The following TBC1D5 variants were observed in gnomAD, a reference collection of about 807,000 sequenced individuals.
TBC1D5 encodes TBC1 domain family member 5.
A neutral mutation model predicts 100.3 loss-of-function variants in TBC1D5; 75 were observed. The observed-to-expected ratio is 0.75, with a 90% confidence interval of 0.62 to 0.91. TBC1D5 has a LOEUF of 0.91. Ranked by LOEUF, TBC1D5 falls within the 40% of genes least tolerant of loss-of-function variation. The pLI, the probability that TBC1D5 is intolerant of heterozygous loss-of-function variation, is 0.00. For synonymous variants in TBC1D5, 323 were observed against 325.6 expected, an observed-to-expected ratio of 0.99 and a Z score of 0.09; for missense variants, 910 against 942.4, an observed-to-expected ratio of 0.97 and a Z score of 0.45.
Position 17,500,498 on chromosome 3 carries a change from G to A in TBC1D5, c.97+7976C>T, listed in dbSNP as rs1283365100. Among the ~76,000 whole-genome samples, 2 of 149,562 alleles carry A rather than the reference G, an allele frequency of 1.3e-5. 1 individual carries two copies. Among genetic ancestry groups the A allele is most frequent in the Middle Eastern group, 6.4e-3 (2 of 314 alleles). ...GAATCAGATTTTTAGTTCACTTCCT[G>A]TGCCTCCATCCACTCAAATGAGTTA... On this transcript the variant is annotated intron_variant, in intron 3 of 21. Coordinates refer to ENST00000253692, the Ensembl canonical transcript of TBC1D5.
chr3:17,228,933 A>C (rs769380199), intron 17 of TBC1D5, among the ~76,000 whole-genome samples: 1 of 152,148 alleles, frequency 6.6e-6, no homozygotes, highest in Non-Finnish European at 1.5e-5. Flanking sequence ...AGGAAAGAGG[A>C]AGGAAAAATG....
chr3:17,214,200 T>C lies in TBC1D5; in HGVS notation c.1752+7A>G, dbSNP rs1437358093. 2 of 1,606,724 alleles carry C rather than the reference T, an allele frequency of 1.2e-6. No individual in the cohort carries two copies. The highest frequency in any genetic ancestry group is 1.7e-6 in the Non-Finnish European group (2 of 1,177,150). ...GAACGAAGAGAAAACTGTCCTTAAA[T>C]ACTTACAGATTCTTTTCTGCCCATA... is the stretch of plus-strand genomic sequence containing the variant. On this transcript the variant is annotated splice_region_variant and intron_variant, in intron 18 of 21. Coordinates refer to ENST00000253692, the Ensembl canonical transcript of TBC1D5.
rs553373779 is a variant in TBC1D5 at position 17,472,300 on chromosome 3, A to G, written c.97+36174T>C. Among the ~76,000 whole-genome samples the G allele has an allele frequency of 4.6e-5, 7 of 151,876 alleles. No homozygotes were observed. The South Asian group carries it at 1.3e-3, about 27-fold the overall frequency. ...ACTACAGGCACGCGCCACCACACCC[A>G]GCTAATTTTTGTATTTTTTGTAGAG... On this transcript the variant is annotated intron_variant, in intron 3 of 21. Transcript: ENST00000253692.
intron 12 of TBC1D5, among the ~76,000 whole-genome samples, chr3:17,373,548 T>C (rs1479250698): frequency 2.6e-5 from 4 of 152,142 alleles, no homozygotes; most frequent in Non-Finnish European, 4.4e-5. Flanking sequence ...CACATGTTCA[T>C]ACAAAGCTTG....
intron 1 of TBC1D5, among the ~76,000 whole-genome samples, chr3:17,664,667 G>C (rs569104216): frequency 4.5e-4 from 68 of 152,196 alleles, no homozygotes; most frequent in African/African-American, 1.5e-3. Context: ...TTTAGTATAA[G>C]ACACCACTCA....
intron 4 of TBC1D5, among the ~76,000 whole-genome samples, chr3:17,420,729 T>C (rs551343930): frequency 3.7e-4 from 57 of 152,204 alleles, no homozygotes; most frequent in Non-Finnish European, 6.6e-4. Context: ...CAGTGATCCA[T>C]AGGACTGACA....
intron 19 of TBC1D5, among the ~76,000 whole-genome samples, chr3:17,176,284 G>T (rs2125322721): frequency 6.6e-6 from 1 of 152,282 alleles, no homozygotes; most frequent in East Asian, 1.9e-4. Context: ...TGGCACATAG[G>T]AACTAATGGC....
intron 2 of TBC1D5, among the ~76,000 whole-genome samples, chr3:17,613,803 T>C (rs546471118): frequency 1.3e-5 from 2 of 152,314 alleles, no homozygotes; most frequent in South Asian, 2.1e-4. Flanking sequence ...GTCAGATGGG[T>C]GGAGTGTAAA....
intron 16 of TBC1D5, among the ~76,000 whole-genome samples, chr3:17,247,105 G>A (rs1279424355): frequency 2.0e-5 from 3 of 152,142 alleles, no homozygotes; most frequent in Admixed American, 6.5e-5. Flanking sequence ...AGTCACATGG[G>A]CATTCCATGC....
intron 4 of TBC1D5, among the ~76,000 whole-genome samples, chr3:17,412,164 G>A (rs555689943): frequency 9.4e-4 from 143 of 152,100 alleles, no homozygotes; most frequent in African/African-American, 3.3e-3. Context: ...AGAGGGGAAA[G>A]AAATGGTTTG....
chr3:17,417,302 T>C (rs2094104317), intron 4 of TBC1D5, among the ~76,000 whole-genome samples: 1 of 151,822 alleles, frequency 6.6e-6, no homozygotes, highest in African/African-American at 2.4e-5. Context: ...TAACTCGTCA[T>C]TTAGCATTAG....
intron 2 of TBC1D5, among the ~76,000 whole-genome samples, chr3:17,541,572 G>C (rs992484106): frequency 6.6e-6 from 1 of 152,054 alleles, no homozygotes; most frequent in Non-Finnish European, 1.5e-5. Flanking sequence ...TCATTCACTA[G>C]GTTTAACACA....
intron 1 of TBC1D5, among the ~76,000 whole-genome samples, chr3:17,631,341 A>C (rs944264983): frequency 6.6e-6 from 1 of 152,194 alleles, no homozygotes; most frequent in Admixed American, 6.5e-5. Context: ...AGAAGCTAGC[A>C]GACATTGATT....
At chr3:17,189,853 G>T (rs1290920390) in intron 18 of TBC1D5, among the ~76,000 whole-genome samples, 1 of 152,158 alleles carries the variant, frequency 6.6e-6, no homozygotes, top group Non-Finnish European at 1.5e-5. Context: ...ATGCCAAATT[G>T]CTTATTAAAT....
intron 1 of TBC1D5, among the ~76,000 whole-genome samples, chr3:17,624,595 CA>C (rs554856503): frequency 2.6e-4 from 39 of 151,224 alleles, no homozygotes; most frequent in Non-Finnish European, 4.3e-4. Flanking sequence ...TACCTAAGAA[CA>C]AAAAAAATAG....
intron 1 of TBC1D5, among the ~76,000 whole-genome samples, chr3:17,668,912 A>G (rs754579404): frequency 2.3e-4 from 35 of 152,170 alleles, no homozygotes; most frequent in Admixed American, 9.8e-4. Context: ...CTCGAATCCC[A>G]GCTCCCCCAT....
At chr3:17,542,492 A>G (rs2096368492) in intron 2 of TBC1D5, among the ~76,000 whole-genome samples, 1 of 152,204 alleles carries the variant, frequency 6.6e-6, no homozygotes, top group African/African-American at 2.4e-5. Flanking sequence ...CACTGGGATT[A>G]AAAGTACCAC....
intron 2 of TBC1D5, among the ~76,000 whole-genome samples, chr3:17,603,637 A>C (rs1461605476): frequency 6.6e-6 from 1 of 151,980 alleles, no homozygotes; most frequent in East Asian, 1.9e-4. Context: ...CCCAGAATCA[A>C]AGTCATTCTT....
chr3:17,160,585 T>A (rs1255085238), exon 22 of TBC1D5: 1 of 194,228 alleles, frequency 5.1e-6, no homozygotes, highest in Non-Finnish European at 1.1e-5. Flanking sequence ...TCCTTCTAAG[T>A]ATAACTGATG....
Sources: gnomAD v4.1 joint callset for allele counts (sites outside exome capture counted in the v4.1 genomes callset) on GRCh38, gnomAD v4.1.1 for gene constraint, MANE v1.5 for transcripts, NCBI Gene and HGNC (gene_info 2026-07-23, HGNC 2026-07-21) for gene names.